The following ATP10B variants were observed in gnomAD, a reference collection of about 807,000 sequenced individuals.
ATP10B encodes the protein ATPase phospholipid transporting 10B (putative), also known as phospholipid-transporting ATPase VB.
A neutral mutation model predicts 141.2 loss-of-function variants in ATP10B; 122 were observed. The observed-to-expected ratio is 0.86, with a 90% CI of 0.75 to 1.00. ATP10B has a LOEUF of 1.00. Ranked by LOEUF, ATP10B falls within the 50% of genes least tolerant of loss-of-function variation. The probability of loss-of-function intolerance (pLI) is 0.00; values close to 1 mark genes in which losing one functional copy is unlikely to be tolerated. For missense variants in ATP10B, 1,876 were observed against 1,825.3 expected, an observed-to-expected ratio of 1.03 and a Z score of -0.51; for synonymous variants, 685 against 692.0, an observed-to-expected ratio of 0.99 and a Z score of 0.16.
At chr5:160,657,138 A>G (rs1761569720) in intron 7 of ATP10B, among the ~76,000 whole-genome samples, 1 of 152,144 alleles carries the variant, frequency 6.6e-6, no homozygotes, top group Admixed American at 6.5e-5. Flanking sequence ...GCTACACAGG[A>G]GGTATGTTGC....
chr5:160,793,367 G>GA (rs1771724148), intron 1 of ATP10B, among the ~76,000 whole-genome samples: 1 of 152,230 alleles, frequency 6.6e-6, no homozygotes, highest in South Asian at 2.1e-4. Context: ...AATTATCAGA[G>GA]AAGCCTGGCA....
the ATP10B span, among the ~76,000 whole-genome samples, chr5:160,864,482 T>A: frequency 6.6e-6 from 1 of 151,950 alleles, no homozygotes; most frequent in Non-Finnish European, 1.5e-5. Context: ...TCATACTGAA[T>A]GAGGAAAAGT....
chr5:160,799,833 T>C (rs1772249427), intron 1 of ATP10B, among the ~76,000 whole-genome samples: 3 of 152,204 alleles, frequency 2.0e-5, no homozygotes, highest in Non-Finnish European at 4.4e-5. Flanking sequence ...AAAATAATTT[T>C]CCTTCTTCCT....
In ATP10B at chr5:160,604,050, G is replaced by C; in HGVS notation, c.3161-9C>G. 4 of 1,612,272 alleles carry C rather than the reference G, an allele frequency of 2.5e-6. No individual in the cohort carries two copies. The highest frequency in any genetic ancestry group is 3.4e-6 in the Non-Finnish European group (4 of 1,178,576). The stretch of plus-strand genomic sequence containing the variant: ...ATCATTTGCTCCATCACCTGAAAGA[G>C]AGGTCATAACGTGTCTTTATTTTTG... On this transcript the variant is annotated splice_polypyrimidine_tract_variant and intron_variant, in intron 19 of 25. Transcript: ENST00000327245.
intron 2 of ATP10B, among the ~76,000 whole-genome samples, chr5:160,721,301 GT>G (rs1310411847): frequency 1.3e-5 from 2 of 152,056 alleles, no homozygotes; most frequent in African/African-American, 4.8e-5. Context: ...AGAAAATAAG[GT>G]TTTGAGGTAC....
At chr5:160,571,652 T>A (rs1754883142) in intron 24 of ATP10B, among the ~76,000 whole-genome samples, 1 of 152,200 alleles carries the variant, frequency 6.6e-6, no homozygotes, top group African/African-American at 2.4e-5. Context: ...GGTAACTTTC[T>A]CTAGAAAAGA....
At chr5:160,787,511 C>T (rs1007685733) in intron 1 of ATP10B, among the ~76,000 whole-genome samples, 1 of 152,150 alleles carries the variant, frequency 6.6e-6, no homozygotes. Context: ...GCCTCCAGTT[C>T]CTCCATAAAT....
intron 1 of ATP10B, among the ~76,000 whole-genome samples, chr5:160,846,383 C>A (rs1032780325): frequency 3.9e-5 from 6 of 152,220 alleles, no homozygotes; most frequent in African/African-American, 1.4e-4. Flanking sequence ...ATAGATTGGA[C>A]AGAAATATCT....
chr5:160,891,097 A>T, the ATP10B span, among the ~76,000 whole-genome samples: 1 of 152,078 alleles, frequency 6.6e-6, no homozygotes, highest in Non-Finnish European at 1.5e-5. Flanking sequence ...ATTGTACTGT[A>T]GTTCTCTGTT....
At chr5:160,812,020 C>CACACAG (rs1211580744) in intron 1 of ATP10B, among the ~76,000 whole-genome samples, 1 of 111,420 alleles carries the variant, frequency 9.0e-6, no homozygotes, top group East Asian at 3.3e-4. Flanking sequence ...GAGACAGAGA[C>CACACAG]AGAGAGAGAG....
the ATP10B span, among the ~76,000 whole-genome samples, chr5:160,859,268 A>C: frequency 2.7e-4 from 41 of 152,044 alleles, no homozygotes; most frequent in African/African-American, 9.4e-4. Flanking sequence ...GAACTTAAAA[A>C]ATATTTTTGT....
chr5:160,747,999 A>G lies in ATP10B; in HGVS notation c.-330-30965T>C, dbSNP rs1182406084. Among the ~76,000 whole-genome samples the G allele has an allele frequency of 1.8e-3, 58 of 32,752 alleles. No individual in the cohort carries two copies. In the South Asian group the frequency reaches 0.038, roughly 21 times the overall value. The allele number at this position is 32,752 out of a possible 152,430, so 21.5% of individuals were successfully genotyped here. A position where few individuals can be genotyped will look rare whatever the true frequency, so the allele number is the denominator to read the frequency against. Reference sequence around the variant, plus strand: ...GTCCAGCTGAGCATTGAGAGAGAAAAAAAAAAAAAAAAAAAAAGCGGCCGG... The same window carrying G: ...GTCCAGCTGAGCATTGAGAGAGAAAGAAAAAAAAAAAAAAAAAGCGGCCGG... On this transcript the variant is annotated intron_variant, in intron 2 of 25. Transcript: ENST00000327245.
intron 3 of ATP10B, among the ~76,000 whole-genome samples, chr5:160,716,598 CAT>C (rs1765675594): frequency 6.6e-6 from 1 of 152,160 alleles, no homozygotes; most frequent in African/African-American, 2.4e-5. Context: ...GAAGACGATA[CAT>C]ATGAGTCTCC....
rs552255546 is a variant in ATP10B at position 160,584,261 on chromosome 5, C to T, written c.3750+5331G>A. ...GAGTAGACTGTTCCTCATGGCTCCT[C>T]ATGGCTTCCCTTGGCTAGGGCAGGC... On this transcript the variant is annotated intron_variant, in intron 24 of 25. Coordinates refer to ENST00000327245, the MANE Select transcript of ATP10B (RefSeq NM_025153.3). Among the ~76,000 whole-genome samples the T allele has an allele frequency of 2.0e-5, 3 of 152,238 alleles. No homozygotes were observed. In the South Asian group the frequency reaches 6.2e-4, roughly 32 times the overall value.
intron 2 of ATP10B, among the ~76,000 whole-genome samples, chr5:160,772,198 CA>C (rs1468556347): frequency 6.6e-6 from 1 of 152,212 alleles, no homozygotes; most frequent in African/African-American, 2.4e-5. Flanking sequence ...AACCTCCATA[CA>C]GTTTTCCACA....
chr5:160,872,614 C>T, the ATP10B span, among the ~76,000 whole-genome samples: 1 of 152,174 alleles, frequency 6.6e-6, no homozygotes. Context: ...TATCCTAGCA[C>T]CATTTGTTGA....
At position 160,606,842 on chromosome 5, in the gene ATP10B, C is replaced by G; in HGVS notation, c.3083G>C (p.Cys1028Ser). The G allele has an allele frequency of 1.2e-6, 2 of 1,614,126 alleles. No individual in the cohort carries two copies. Among genetic ancestry groups the G allele is most frequent in the Middle Eastern group, 1.6e-4 (1 of 6,062 alleles). The change falls in exon 19 of 26, where the codon TGC becomes TCC. Residue 1028 changes from cysteine (C) to serine (S), a missense_variant. Transcript: ENST00000327245. Reference sequence around the variant, plus strand: ...ACTCTTCTGGAGTGGCGTGGAGCGGCAGCACAGGACGGACCGACAATACTG... The same window carrying G: ...ACTCTTCTGGAGTGGCGTGGAGCGGGAGCACAGGACGGACCGACAATACTG... ...LTQYCRSVLC[C>S]RSTPLQKSMI...
chr5:160,799,080 T>C (rs796273622), intron 1 of ATP10B, among the ~76,000 whole-genome samples: 11 of 152,166 alleles, frequency 7.2e-5, no homozygotes, highest in African/African-American at 2.6e-4. Flanking sequence ...GTTAGTGAAA[T>C]GGAAATCCAT....
At chr5:160,847,180 A>G (rs1012895519) in intron 1 of ATP10B, among the ~76,000 whole-genome samples, 22 of 152,228 alleles carry the variant, frequency 1.4e-4, no homozygotes, top group Non-Finnish European at 1.0e-4. Flanking sequence ...TTTTCAGTTC[A>G]GTGCCTGTTA....
Sources: allele counts gnomAD v4.1 joint callset (sites outside exome capture counted in the v4.1 genomes callset), GRCh38; gene constraint gnomAD v4.1.1; transcripts MANE v1.5; gene names NCBI Gene and HGNC (gene_info 2026-07-23, HGNC 2026-07-21).